Variants in CEMIP observed in about 807,000 individuals in gnomAD.
The protein encoded by CEMIP is cell migration-inducing and hyaluronan-binding protein.
Under a neutral mutation model 156.9 loss-of-function variants are expected in CEMIP, and 105 were observed. The observed-to-expected ratio is 0.67, with a 90% CI of 0.57 to 0.79. CEMIP has a LOEUF of 0.79. CEMIP is among the 30% of genes least tolerant of loss of function. The probability of loss-of-function intolerance (pLI) is 0.00; values close to 1 mark genes in which losing one functional copy is unlikely to be tolerated. For synonymous variants in CEMIP, 676 were observed against 668.4 expected (o/e 1.01, Z -0.17); for missense variants, 1,457 against 1,769.4 (o/e 0.82, Z 3.17).
chr15:80,883,320 A>T (rs543119955), intron 6 of CEMIP, among the ~76,000 whole-genome samples: 23 of 152,280 alleles, frequency 1.5e-4, no homozygotes, highest in Admixed American at 1.3e-3. Context: ...TATTTCATGG[A>T]TATTTTACGT....
intron 1 of CEMIP, among the ~76,000 whole-genome samples, chr15:80,820,066 G>T (rs531902802): frequency 1.3e-5 from 2 of 152,168 alleles, no homozygotes; most frequent in South Asian, 4.1e-4. Flanking sequence ...TTTGATTCTC[G>T]GCTAAGGTCA....
intron 1 of CEMIP, among the ~76,000 whole-genome samples, chr15:80,807,817 C>T (rs1168967043): frequency 3.9e-5 from 6 of 152,184 alleles, no homozygotes; most frequent in Admixed American, 3.3e-4. Context: ...TTACAAAGAT[C>T]TGTTTGTAGT....
chr15:80,891,308 C>T (rs1899025666), intron 10 of CEMIP, among the ~76,000 whole-genome samples: 1 of 152,196 alleles, frequency 6.6e-6, no homozygotes, highest in Non-Finnish European at 1.5e-5. Context: ...ACTTTGCTCC[C>T]AGCACAGACA....
chr15:80,908,804 G>A (rs575773942), intron 13 of CEMIP, among the ~76,000 whole-genome samples: 1 of 152,290 alleles, frequency 6.6e-6, no homozygotes, highest in South Asian at 2.1e-4. Flanking sequence ...TGGGAGACAG[G>A]AAAGGAGGTT....
At chr15:80,830,833 G>A (rs375860721) in intron 1 of CEMIP, among the ~76,000 whole-genome samples, 22 of 152,098 alleles carry the variant, frequency 1.4e-4, no homozygotes, top group African/African-American at 4.3e-4. Context: ...CTACCTGCTT[G>A]TTGTATGACT....
rs1900959927 is a variant in CEMIP, at chr15:80,932,491, C to G, written c.2793+452C>G. 2.0e-5 allele frequency among the ~76,000 whole-genome samples: 3 copies of G among 152,182 alleles called. No homozygotes were observed. Among genetic ancestry groups the G allele is most frequent in the Admixed American group, 2.0e-4 (3 of 15,282 alleles). On this transcript the variant is annotated intron_variant, in intron 22 of 29. Coordinates refer to ENST00000394685, the MANE Select transcript of CEMIP (RefSeq NM_001293298.2). The surrounding 1 kb of genome is among the most constrained non-coding windows in gnomAD (Gnocchi z 4.5). ...AGACTATAAACAGAGGCCTCCTTGC[C>G]CTAGACAGAGAAGGCAGAAGAGGGG...
At chr15:80,900,601 T>TGTGC (rs1899450907) in intron 12 of CEMIP, among the ~76,000 whole-genome samples, 2 of 130,912 alleles carry the variant, frequency 1.5e-5, no homozygotes, top group Non-Finnish European at 3.3e-5. Context: ...TGTGTGTGTG[T>TGTGC]GTGTGTGTGT....
chr15:80,840,280 C>T (rs1897373651), intron 1 of CEMIP, among the ~76,000 whole-genome samples: 2 of 152,148 alleles, frequency 1.3e-5, no homozygotes, highest in Admixed American at 6.5e-5. Context: ...CCCATCCACT[C>T]GCGTTCCACT....
chr15:80,824,657 T>G (rs1221790022), intron 1 of CEMIP, among the ~76,000 whole-genome samples: 3 of 152,198 alleles, frequency 2.0e-5, no homozygotes, highest in African/African-American at 7.2e-5. Flanking sequence ...TATTCTGACA[T>G]CAGCAGCCTG....
intron 1 of CEMIP, among the ~76,000 whole-genome samples, chr15:80,813,527 G>A (rs1023871588): frequency 6.6e-6 from 1 of 151,856 alleles, no homozygotes; most frequent in African/African-American, 2.4e-5. Context: ...TGTATTTTTA[G>A]TAGAGACAAG....
At chr15:80,931,593 C>A (rs1900913729) in intron 21 of CEMIP, among the ~76,000 whole-genome samples, 1 of 152,142 alleles carries the variant, frequency 6.6e-6, no homozygotes, top group Non-Finnish European at 1.5e-5. Flanking sequence ...ATTCATCCAT[C>A]CATCCATTCA....
At chr15:80,901,702 CA>C (rs35218666) in intron 12 of CEMIP, among the ~76,000 whole-genome samples, 15,225 of 136,462 alleles carry the variant, frequency 0.11, 2,365 homozygotes, top group African/African-American at 0.36. Context: ...GACTTTGTCT[CA>C]AAAAAAAAAA....
At chr15:80,900,642 G>GTGTGTC (rs1899472320) in intron 12 of CEMIP, among the ~76,000 whole-genome samples, 7 of 127,136 alleles carry the variant, frequency 5.5e-5, no homozygotes, top group African/African-American at 1.2e-4. Flanking sequence ...GTGTGTGTGT[G>GTGTGTC]TGTGTGTCTG....
intron 1 of CEMIP, among the ~76,000 whole-genome samples, chr15:80,832,085 T>G (rs1897168566): frequency 6.6e-6 from 1 of 152,212 alleles, no homozygotes; most frequent in Non-Finnish European, 1.5e-5. Flanking sequence ...TAGAAGCTTC[T>G]AGGATGCCTG....
At chr15:80,930,754 A>C (rs970365631) in intron 21 of CEMIP, among the ~76,000 whole-genome samples, 1 of 152,208 alleles carries the variant, frequency 6.6e-6, no homozygotes, top group African/African-American at 2.4e-5. Context: ...AAGGGAGCCC[A>C]GGGTTGAAGA....
chr15:80,903,320 T>A (rs1181924384), intron 12 of CEMIP, among the ~76,000 whole-genome samples: 4 of 152,164 alleles, frequency 2.6e-5, no homozygotes, highest in Admixed American at 2.0e-4. Context: ...GTTTCCTGGC[T>A]CTGCTGAGCA....
intron 1 of CEMIP, among the ~76,000 whole-genome samples, chr15:80,800,741 A>G (rs1896355200): frequency 6.6e-6 from 1 of 152,214 alleles, no homozygotes; most frequent in Non-Finnish European, 1.5e-5. Context: ...TTTGCAGGGT[A>G]ATTGATATTC....
At chr15:80,836,623 ATTTTCTGCCTCCTTACCTCCTGGG>A (rs775542247) in intron 1 of CEMIP, among the ~76,000 whole-genome samples, 1,518 of 147,060 alleles carry the variant, frequency 0.01, 18 homozygotes, top group African/African-American at 0.035. Context: ...TTCCTCCTGG[ATTTTCTGCCTCCTTACCTCCTGGG>A]TTTTCTGCCT....
In CEMIP at chr15:80,946,555, TCAC is replaced by T. The variant is rs532304045; in HGVS notation, c.3858-406_3858-404del. On this transcript the variant is annotated intron_variant, in intron 28 of 29. Coordinates refer to ENST00000394685, the MANE Select transcript of CEMIP (RefSeq NM_001293298.2). ...CTTCCCTTTCTCCTTCCTTCCTCCA[TCAC>T]CACATTTCTATCTGGTCTTACCTAA... 1.1e-3 allele frequency: 208 copies of T among 191,532 alleles called. 1 individual carries two copies. Among genetic ancestry groups the T allele is most frequent in the Middle Eastern group, 2.3e-3 (1 of 430 alleles). The allele number at this position is 191,532 out of a possible 1,614,324, so 11.9% of individuals were successfully genotyped here.
Sources: gnomAD v4.1 joint callset for allele counts (sites outside exome capture counted in the v4.1 genomes callset) on GRCh38, gnomAD v4.1.1 for gene constraint, Gnocchi (gnomAD v3.1) non-coding constraint, MANE v1.5 for transcripts, NCBI Gene and HGNC (gene_info 2026-07-23, HGNC 2026-07-21) for gene names.